Variants in GPC6 observed in about 807,000 individuals in gnomAD.
The protein encoded by GPC6 is glypican 6.
A neutral mutation model predicts 55.2 loss-of-function variants in GPC6; 14 were observed. The ratio of observed to expected loss-of-function variants is 0.25; its 90% CI spans 0.17 to 0.40. The LOEUF (loss-of-function observed/expected upper bound fraction) is 0.40, where lower values mean the gene tolerates loss of function less well. Among genes scored for constraint, GPC6 ranks in the 10% least tolerant of loss-of-function variants. GPC6 has a pLI of 1.00. For missense variants in GPC6, 641 were observed against 708.5 expected, an observed-to-expected ratio of 0.90 and a Z score of 1.08; for synonymous variants, 278 against 259.6, an observed-to-expected ratio of 1.07 and a Z score of -0.68.
chr13:93,953,386 T>G (rs1379464963), intron 3 of GPC6, among the ~76,000 whole-genome samples: 3 of 152,192 alleles, frequency 2.0e-5, no homozygotes, highest in Non-Finnish European at 4.4e-5. Context: ...CAGTCCATCT[T>G]TGGTGGAATA....
At chr13:93,426,178 A>G (rs181451840) in intron 1 of GPC6, among the ~76,000 whole-genome samples, 2 of 152,286 alleles carry the variant, frequency 1.3e-5, no homozygotes, top group Non-Finnish European at 1.5e-5. Context: ...AACTGTTTAG[A>G]TGATACTTCC....
chr13:94,058,989 G>A (rs559001653), intron 4 of GPC6, among the ~76,000 whole-genome samples: 1 of 152,024 alleles, frequency 6.6e-6, no homozygotes, highest in African/African-American at 2.4e-5. Context: ...AAGCACAAGG[G>A]TTAGCTAGCA....
intron 3 of GPC6, among the ~76,000 whole-genome samples, chr13:93,885,800 A>G (rs1875289282): frequency 6.6e-6 from 1 of 152,212 alleles, no homozygotes; most frequent in African/African-American, 2.4e-5. Flanking sequence ...AAATCTCTTT[A>G]TATAAATTTC....
At chr13:94,306,191 C>T in intron 6 of GPC6, 68 bp downstream of exon 6, 1 of 1,557,696 alleles carries the variant, frequency 6.4e-7, no homozygotes. Flanking sequence ...TTGAAACTCC[C>T]AGGAGATTCT....
intron 4 of GPC6, among the ~76,000 whole-genome samples, chr13:94,160,179 T>C (rs1888105012): frequency 6.6e-6 from 1 of 152,216 alleles, no homozygotes; most frequent in Admixed American, 6.5e-5. Flanking sequence ...ATTGTTCTAT[T>C]TTATTATTAG....
intron 2 of GPC6, among the ~76,000 whole-genome samples, chr13:93,552,184 A>G (rs1875195641): frequency 6.6e-6 from 1 of 152,200 alleles, no homozygotes; most frequent in Admixed American, 6.5e-5. Context: ...ACTGAGTTTT[A>G]GAAATTAGAG....
At chr13:93,324,612 A>AT (rs1566299683) in intron 1 of GPC6, among the ~76,000 whole-genome samples, 1 of 91,492 alleles carries the variant, frequency 1.1e-5, no homozygotes, top group East Asian at 9.9e-4. Context: ...ATATATATAT[A>AT]AAATCTCTGA....
chr13:93,676,106 TAAAAAAAAAA>T (rs760322815), intron 2 of GPC6, among the ~76,000 whole-genome samples: 7 of 23,142 alleles, frequency 3.0e-4, no homozygotes, highest in African/African-American at 7.0e-4. Flanking sequence ...CTGTTTCTAC[TAAAAAAAAAA>T]AAAAAAAAAA....
intron 4 of GPC6, among the ~76,000 whole-genome samples, chr13:94,152,859 T>A (rs756132844): frequency 6.6e-6 from 1 of 152,124 alleles, no homozygotes; most frequent in Non-Finnish European, 1.5e-5. Flanking sequence ...AGGCAACCAA[T>A]AACTACTAAG....
At chr13:94,385,810 C>T (rs1403829440) in intron 7 of GPC6, among the ~76,000 whole-genome samples, 1 of 146,450 alleles carries the variant, frequency 6.8e-6, no homozygotes, top group Non-Finnish European at 1.5e-5. Flanking sequence ...ATTTACTAAA[C>T]TATTTTGTAA....
intron 1 of GPC6, among the ~76,000 whole-genome samples, chr13:93,487,055 A>G (rs1370294943): frequency 1.3e-5 from 2 of 152,138 alleles, no homozygotes; most frequent in East Asian, 3.9e-4. Context: ...ACACACACTT[A>G]CAGCAGGGCT....
At chr13:94,102,002 A>G (rs1204312548) in intron 4 of GPC6, among the ~76,000 whole-genome samples, 1 of 152,166 alleles carries the variant, frequency 6.6e-6, no homozygotes, top group African/African-American at 2.4e-5. Flanking sequence ...TGCAAAATGC[A>G]TTTAAAATCT....
At chr13:93,960,270 C>G (rs1879706140) in intron 3 of GPC6, among the ~76,000 whole-genome samples, 2 of 152,164 alleles carry the variant, frequency 1.3e-5, no homozygotes, top group African/African-American at 4.8e-5. Context: ...ATATTGAGCA[C>G]TTAATTACTG....
intron 2 of GPC6, among the ~76,000 whole-genome samples, chr13:93,718,715 C>T (rs969270288): frequency 3.9e-5 from 6 of 152,076 alleles, no homozygotes; most frequent in African/African-American, 1.4e-4. Flanking sequence ...CCTAGGTTTT[C>T]TTCTAGGATT....
chr13:93,571,250 TAC>T (rs1157271170), intron 2 of GPC6, among the ~76,000 whole-genome samples: 1 of 152,122 alleles, frequency 6.6e-6, no homozygotes, highest in Non-Finnish European at 1.5e-5. Context: ...GGCATACATG[TAC>T]ACGTGTGCAC....
chr13:94,055,303 G>T (rs910619191), intron 4 of GPC6, among the ~76,000 whole-genome samples: 1 of 152,102 alleles, frequency 6.6e-6, no homozygotes, highest in African/African-American at 2.4e-5. Flanking sequence ...AGAATGACAA[G>T]AATAATATTG....
intron 1 of GPC6, among the ~76,000 whole-genome samples, chr13:93,367,244 TG>T (rs1881283200): frequency 6.6e-6 from 1 of 151,938 alleles, no homozygotes; most frequent in African/African-American, 2.4e-5. Context: ...GTGTCAATTG[TG>T]TGGACAATTA....
intron 3 of GPC6, among the ~76,000 whole-genome samples, chr13:93,869,670 C>T (rs1402138158): frequency 2.6e-5 from 4 of 151,820 alleles, no homozygotes; most frequent in African/African-American, 9.7e-5. Flanking sequence ...CATGGATGTC[C>T]ATGCATCTGA....
chr13:94,005,297 A>G (rs1048481244), intron 3 of GPC6, among the ~76,000 whole-genome samples: 2 of 152,174 alleles, frequency 1.3e-5, no homozygotes, highest in Non-Finnish European at 2.9e-5. Context: ...TTTGGATTTT[A>G]TTATATCAAT....
Sources: allele counts gnomAD v4.1 joint callset (sites outside exome capture counted in the v4.1 genomes callset), GRCh38; gene constraint gnomAD v4.1.1; transcripts MANE v1.5; gene names NCBI Gene and HGNC (gene_info 2026-07-23, HGNC 2026-07-21).